Variants in DROSHA observed in about 807,000 individuals in gnomAD.
DROSHA encodes the protein ribonuclease 3.
In DROSHA, 56 loss-of-function variants were observed where a neutral mutation model predicts 181.9. The ratio of observed to expected loss-of-function variants is 0.31; its 90% CI spans 0.25 to 0.38. DROSHA has a LOEUF of 0.38. Among genes scored for constraint, DROSHA ranks in the 10% least tolerant of loss-of-function variants. DROSHA has a pLI of 1.00. For missense variants in DROSHA, 1,218 were observed against 1,743.5 expected (o/e 0.70, Z 5.37); for synonymous variants, 524 against 591.2 (o/e 0.89, Z 1.65).
intron 10 of DROSHA, among the ~76,000 whole-genome samples, chr5:31,505,292 C>G (rs1333535868): frequency 6.6e-6 from 1 of 151,960 alleles, no homozygotes; most frequent in African/African-American, 2.4e-5. Context: ...CTGTTCTAGA[C>G]AGGAGAACAA....
intron 17 of DROSHA, 69 bp from the exon 18 acceptor site, chr5:31,468,132 G>A (rs1749305326): frequency 6.6e-7 from 1 of 1,513,960 alleles, no homozygotes; most frequent in Non-Finnish European, 8.9e-7. Flanking sequence ...ACCTAAGTAG[G>A]GAAGGAATAA....
chr5:31,490,835 T>G (rs1752314545), intron 13 of DROSHA, among the ~76,000 whole-genome samples: 1 of 152,208 alleles, frequency 6.6e-6, no homozygotes, highest in Non-Finnish European at 1.5e-5. Context: ...AAAACTCTAT[T>G]TTTATCAACA....
At chr5:31,424,648 C>A (rs978757859) in intron 27 of DROSHA, among the ~76,000 whole-genome samples, 177 bp from the exon 28 acceptor site, 1 of 152,008 alleles carries the variant, frequency 6.6e-6, no homozygotes, top group Non-Finnish European at 1.5e-5. Flanking sequence ...CCACTCAAAC[C>A]GCCTGTAGTG....
chr5:31,528,834 G>A (rs970070335), intron 4 of DROSHA, among the ~76,000 whole-genome samples: 5 of 152,168 alleles, frequency 3.3e-5, no homozygotes, highest in South Asian at 2.1e-4. Context: ...TCAGGGCAGC[G>A]CTCTGGGATT....
intron 13 of DROSHA, among the ~76,000 whole-genome samples, chr5:31,492,598 A>G (rs1752546241): frequency 6.6e-6 from 1 of 152,180 alleles, no homozygotes; most frequent in Non-Finnish European, 1.5e-5. Flanking sequence ...TCTACATCCA[A>G]CTGCAATATG....
At chr5:31,480,313 A>G (rs1750898985) in intron 16 of DROSHA, among the ~76,000 whole-genome samples, 1 of 151,440 alleles carries the variant, frequency 6.6e-6, no homozygotes, top group African/African-American at 2.4e-5. Context: ...TAAGTGCAAC[A>G]GGATATGATT....
chr5:31,487,979 T>C (rs1438758608), intron 13 of DROSHA, among the ~76,000 whole-genome samples: 1 of 152,140 alleles, frequency 6.6e-6, no homozygotes, highest in Non-Finnish European at 1.5e-5. Context: ...GAGGTAAAGA[T>C]GTGTAAGAAG....
At chr5:31,505,015 T>G (rs1446272790) in intron 10 of DROSHA, among the ~76,000 whole-genome samples, 2 of 152,120 alleles carry the variant, frequency 1.3e-5, no homozygotes, top group Non-Finnish European at 2.9e-5. Context: ...ACACATAGAG[T>G]GTTTTGAAGG....
intron 16 of DROSHA, among the ~76,000 whole-genome samples, chr5:31,477,111 C>T (rs1159952062): frequency 6.6e-6 from 1 of 152,140 alleles, no homozygotes. Flanking sequence ...GCTCATTATT[C>T]GGGAAGAACT....
At chr5:31,498,200 G>C (rs538405074) in intron 11 of DROSHA, among the ~76,000 whole-genome samples, 3 of 152,260 alleles carry the variant, frequency 2.0e-5, no homozygotes, top group African/African-American at 7.2e-5. Flanking sequence ...TGCTGACATG[G>C]AGTATCAGCC....
chr5:31,443,793 TC>T (rs1263102014), intron 23 of DROSHA, among the ~76,000 whole-genome samples: 1 of 152,068 alleles, frequency 6.6e-6, no homozygotes, highest in African/African-American at 2.4e-5. Context: ...CCCTTCTTGA[TC>T]CCCCCGCTGC....
At chr5:31,435,032 C>T (rs1744625193) in intron 25 of DROSHA, among the ~76,000 whole-genome samples, 1 of 152,214 alleles carries the variant, frequency 6.6e-6, no homozygotes. Flanking sequence ...GGGCTAATGT[C>T]ATTTCCATTT....
intron 25 of DROSHA, among the ~76,000 whole-genome samples, chr5:31,433,425 C>T (rs1365167911): frequency 6.6e-6 from 1 of 152,176 alleles, no homozygotes; most frequent in Non-Finnish European, 1.5e-5. Context: ...GCAAGCAGAC[C>T]GCAAGCCATA....
intron 1 of DROSHA, 102 bp downstream of exon 1, chr5:31,531,888 C>T (rs902062410): frequency 2.5e-5 from 4 of 157,886 alleles, no homozygotes; most frequent in African/African-American, 9.6e-5. Flanking sequence ...TGCCCGACCC[C>T]AATTCCCGGA....
At chr5:31,490,694 C>T (rs769062471) in intron 13 of DROSHA, among the ~76,000 whole-genome samples, 1 of 152,206 alleles carries the variant, frequency 6.6e-6, no homozygotes, top group Non-Finnish European at 1.5e-5. Flanking sequence ...TGCTTACTGA[C>T]ATTCTCTCTC....
chr5:31,492,716 C>A (rs1370002194), intron 13 of DROSHA, among the ~76,000 whole-genome samples: 1 of 152,176 alleles, frequency 6.6e-6, no homozygotes, highest in Admixed American at 6.5e-5. Flanking sequence ...AGACTTAATA[C>A]CTGTATAAAA....
chr5:31,511,756 G>A (rs918037035), intron 8 of DROSHA, among the ~76,000 whole-genome samples: 1 of 150,894 alleles, frequency 6.6e-6, no homozygotes, highest in African/African-American at 2.4e-5. Flanking sequence ...CTATTAATAT[G>A]ACATTTTTTA....
chr5:31,414,155 T>C (rs754240351), intron 30 of DROSHA, among the ~76,000 whole-genome samples: 5 of 152,020 alleles, frequency 3.3e-5, no homozygotes, highest in African/African-American at 4.8e-5. Flanking sequence ...GACTGCACTT[T>C]CCTGTAGGGG....
chr5:31,462,215 T>C (rs755776385), intron 20 of DROSHA, among the ~76,000 whole-genome samples: 1 of 152,156 alleles, frequency 6.6e-6, no homozygotes, highest in African/African-American at 2.4e-5. Context: ...TATGAACTCA[T>C]AGGCAACAAT....
Sources: gnomAD v4.1 joint callset for allele counts (sites outside exome capture counted in the v4.1 genomes callset) on GRCh38, gnomAD v4.1.1 for gene constraint, MANE v1.5 for transcripts, NCBI Gene and HGNC (gene_info 2026-07-23, HGNC 2026-07-21) for gene names.